RELN: variants seen among roughly 807,000 people sequenced by gnomAD.
RELN encodes reelin.
Under a neutral mutation model 427.6 loss-of-function variants are expected in RELN, and 108 were observed. The ratio of observed to expected loss-of-function variants is 0.25; its 90% CI spans 0.22 to 0.30. The LOEUF (loss-of-function observed/expected upper bound fraction) is 0.30, where lower values mean the gene tolerates loss of function less well. RELN is among the 10% of genes least tolerant of loss of function. The pLI, the probability that RELN is intolerant of heterozygous loss-of-function variation, is 1.00. For missense variants in RELN, 3,715 were observed against 4,302.8 expected (o/e 0.86, Z 3.82); for synonymous variants, 1,524 against 1,513.4 (o/e 1.01, Z -0.16).
intron 11 of RELN, among the ~76,000 whole-genome samples, chr7:103,679,666 C>T (rs1224483581): frequency 6.6e-6 from 1 of 151,892 alleles, no homozygotes; most frequent in Non-Finnish European, 1.5e-5. Context: ...GACTTCAGAG[C>T]TCTTTTTTTC....
rs149436053 is a variant in RELN at position 103,575,624 on chromosome 7, G to A, written c.4227C>T (p.Ser1409=). The change falls in exon 29 of 65, where the codon TCC becomes TCT. Residue 1409 remains serine (S), a synonymous_variant. Transcript: ENST00000428762. ...CACTGCAGTAACTGGGACAAGGCTC[G>A]GATATGTACACTCCATCTAAACCAA... ...PPFGLDGVYI[S]EPCPSYCSGH... 1.1e-5 allele frequency: 18 copies of A among 1,613,966 alleles called. No homozygotes were observed. The highest frequency in any genetic ancestry group is 9.3e-5 in the African/African-American group (7 of 74,894).
intron 24 of RELN, among the ~76,000 whole-genome samples, chr7:103,599,826 A>G (rs1197769375): frequency 6.6e-6 from 1 of 152,216 alleles, no homozygotes; most frequent in Non-Finnish European, 1.5e-5. Flanking sequence ...ATGTAGTTAG[A>G]GCAGGAGTAT....
chr7:103,610,650 T>C (rs1831928977), intron 22 of RELN, 45 bp downstream of exon 22: 3 of 930,540 alleles, frequency 3.2e-6, no homozygotes, highest in East Asian at 2.4e-5. Flanking sequence ...TCAAAAGGGA[T>C]AGTCAAAGTT....
At chr7:103,821,477 T>C (rs1793013061) in intron 3 of RELN, among the ~76,000 whole-genome samples, 1 of 152,194 alleles carries the variant, frequency 6.6e-6, no homozygotes, top group Non-Finnish European at 1.5e-5. Context: ...ATGTAAGTAC[T>C]GTATTGCTAC....
chr7:103,908,384 C>T (rs1384051652), intron 2 of RELN, among the ~76,000 whole-genome samples: 1 of 151,968 alleles, frequency 6.6e-6, no homozygotes, highest in East Asian at 1.9e-4. Flanking sequence ...TCATTTAATC[C>T]AACCTACAAC....
intron 2 of RELN, among the ~76,000 whole-genome samples, chr7:103,843,623 C>T (rs899964473): frequency 1.3e-5 from 2 of 152,156 alleles, no homozygotes; most frequent in Admixed American, 1.3e-4. Context: ...GTCTTTTTCT[C>T]CAAATGCCTA....
At chr7:103,801,474 A>G (rs1792464121) in intron 3 of RELN, among the ~76,000 whole-genome samples, 1 of 152,080 alleles carries the variant, frequency 6.6e-6, no homozygotes, top group Non-Finnish European at 1.5e-5. Context: ...GCAAACTATC[A>G]CAAGGACAGA....
At chr7:103,896,776 T>C (rs1260571178) in intron 2 of RELN, among the ~76,000 whole-genome samples, 2 of 152,118 alleles carry the variant, frequency 1.3e-5, no homozygotes, top group African/African-American at 4.8e-5. Flanking sequence ...GTAAAATTTT[T>C]TCAATTTTGA....
Position 103,593,648 on chromosome 7 carries a change from A to C in RELN, c.3912+34T>G, listed in dbSNP as rs375516163. On this transcript the variant is annotated intron_variant, in intron 27 of 64. Coordinates refer to ENST00000428762, the MANE Select transcript of RELN (RefSeq NM_005045.4). ...ACATCTGGAAGATATTTTACTCCTT[A>C]ACTTGCTCTGGGAAGAAGCTTGTGC... is the stretch of plus-strand genomic sequence containing the variant. 9 of 1,567,364 alleles carry C rather than the reference A, an allele frequency of 5.7e-6. No homozygotes were observed. In the African/African-American group the frequency reaches 1.1e-4, roughly 19 times the overall value.
At position 103,496,714 on chromosome 7, in the gene RELN, C is replaced by T. The variant is rs758922383; in HGVS notation, c.9005G>A (p.Arg3002Lys). 2 of 1,614,110 alleles carry T rather than the reference C, an allele frequency of 1.2e-6. No individual in the cohort carries two copies. Among genetic ancestry groups the T allele is most frequent in the Non-Finnish European group, 8.5e-7 (1 of 1,179,992 alleles). Residue 3002 changes from arginine (R) to lysine (K), a missense_variant, in exon 56 of 65, where the codon AGA (arginine) becomes AAA (lysine). Around this residue, in one of 4 missense-constraint regions of RELN, gnomAD observed 1,310 missense variants for 1,643.0 expected, o/e 0.80. Transcript: ENST00000428762. ...TTCAGGAAGAAGTATGTAGTCGTGT[C>T]TAACAGAAATGTATTTCTGGTAATC... Reference protein sequence around the residue: ...EMDYQKYISVRHDYILLPEDA... With the variant: ...EMDYQKYISVKHDYILLPEDA...
In RELN at chr7:103,535,443, G is replaced by A; in HGVS notation, c.7222C>T (p.His2408Tyr). 6.2e-7 allele frequency: 1 copy of A among 1,613,998 alleles called. No homozygotes were observed. Among genetic ancestry groups the A allele is most frequent in the South Asian group, 1.1e-5 (1 of 91,072 alleles). Residue 2408 changes from histidine (H) to tyrosine (Y), a missense_variant, in exon 46 of 65, where the codon CAC (histidine) becomes TAC (tyrosine). By Grantham distance (83) the His-to-Tyr change is moderately conservative. Transcript: ENST00000428762. ...GGCAGACAGTCCCTTACCAATGGGT[G>A]CCATGACAATCCAAGATCTACTGAG... ...EYSVDLGLSWHPLVRDCLPTN... is the reference protein window; with the variant it reads ...EYSVDLGLSWYPLVRDCLPTN...
At chr7:103,762,952 T>C (rs1562998134) in intron 4 of RELN, among the ~76,000 whole-genome samples, 2 of 152,334 alleles carry the variant, frequency 1.3e-5, no homozygotes, top group East Asian at 3.9e-4. Context: ...GCAAGATGCA[T>C]GCCCCCAGGA....
intron 19 of RELN, among the ~76,000 whole-genome samples, chr7:103,633,534 T>TA (rs35166651): frequency 0.036 from 5,396 of 151,790 alleles, 160 homozygotes; most frequent in East Asian, 0.14. Flanking sequence ...GTTCTCCTTT[T>TA]AAAAAAACTC....
chr7:103,780,428 A>T (rs1025374576), intron 3 of RELN, among the ~76,000 whole-genome samples: 32 of 152,346 alleles, frequency 2.1e-4, no homozygotes, highest in African/African-American at 7.2e-4. Flanking sequence ...GTTCTGGGGT[A>T]CATGTGCAGG....
chr7:103,486,330 C>T lies in RELN; in HGVS notation c.9850G>A (p.Glu3284Lys). 6.2e-7 allele frequency: 1 copy of T among 1,614,148 alleles called. No individual in the cohort carries two copies. Among genetic ancestry groups the T allele is most frequent in the Non-Finnish European group, 8.5e-7 (1 of 1,180,022 alleles). Residue 3284 changes from glutamate (E) to lysine (K), a missense_variant, in exon 61 of 65, where the codon GAG (glutamate) becomes AAG (lysine). Glu to Lys is a moderately conservative substitution (Grantham distance 56). Coordinates refer to ENST00000428762, the MANE Select transcript of RELN (RefSeq NM_005045.4). ...ESARVTEANW[E>K]TIQGGVIGSG... ...CCTATGACTCCACCTTGAATGGTCT[C>T]CCAGTTTGCCTCGGTGACTCTTGCG...
intron 2 of RELN, among the ~76,000 whole-genome samples, chr7:103,845,313 C>T (rs1793648748): frequency 6.6e-6 from 1 of 152,064 alleles, no homozygotes; most frequent in African/African-American, 2.4e-5. Flanking sequence ...GCCTCAGTCA[C>T]CTGAAATATA....
chr7:103,630,858 T>TA (rs1832443311), intron 19 of RELN, among the ~76,000 whole-genome samples: 1 of 85,474 alleles, frequency 1.2e-5, no homozygotes, highest in Non-Finnish European at 2.6e-5. Flanking sequence ...TTTGTTTTTT[T>TA]TGTTTTTTTT....
At chr7:103,482,597 G>T (rs1407293434) in intron 63 of RELN, among the ~76,000 whole-genome samples, 1 of 152,174 alleles carries the variant, frequency 6.6e-6, no homozygotes, top group East Asian at 1.9e-4. Flanking sequence ...TTTACCTGGA[G>T]ACTTTTGTTT....
At chr7:103,604,704 T>C (rs2117274873) in intron 22 of RELN, among the ~76,000 whole-genome samples, 1 of 152,346 alleles carries the variant, frequency 6.6e-6, no homozygotes, top group African/African-American at 2.4e-5. Context: ...CAATTCAATC[T>C]TAATTTGAGA....
Sources: gnomAD v4.1 joint callset for allele counts (sites outside exome capture counted in the v4.1 genomes callset) on GRCh38, gnomAD v4.1.1 for gene constraint, gnomAD v4.1.1 regional missense constraint, MANE v1.5 for transcripts, NCBI Gene and HGNC (gene_info 2026-07-23, HGNC 2026-07-21) for gene names.